Variants in CTNND2 observed in about 807,000 individuals in gnomAD.
CTNND2 encodes catenin delta-2.
Under a neutral mutation model 144.4 loss-of-function variants are expected in CTNND2, and 22 were observed. The observed-to-expected ratio is 0.15, with a 90% CI of 0.11 to 0.22. CTNND2 has a LOEUF of 0.22. CTNND2 is among the 10% of genes least tolerant of loss of function. The pLI is 1.00. For missense variants in CTNND2, 1,353 were observed against 1,618.8 expected (o/e 0.84, Z 2.82); for synonymous variants, 751 against 695.6 (o/e 1.08, Z -1.25).
chr5:11,385,667 C>T (rs558314206), intron 6 of CTNND2: 1 of 152,286 alleles, frequency 6.6e-6, no homozygotes, highest in African/African-American at 2.4e-5. Context: ...ACCCTTGCCC[C>T]AGGTCATTTC....
At chr5:11,306,962 A>G (rs368733992) in intron 9 of CTNND2, among the ~76,000 whole-genome samples, 63 of 152,276 alleles carry the variant, frequency 4.1e-4, no homozygotes, top group African/African-American at 1.5e-3. Flanking sequence ...GTCTCAGTGC[A>G]GGGTTCCTCT....
chr5:11,390,337 G>A (rs904306978), intron 6 of CTNND2, among the ~76,000 whole-genome samples: 1 of 152,120 alleles, frequency 6.6e-6, no homozygotes, highest in Non-Finnish European at 1.5e-5. Flanking sequence ...ATTCTTTCAC[G>A]CTGAATCTTC....
At chr5:11,534,402 G>A (rs1279370936) in intron 3 of CTNND2, among the ~76,000 whole-genome samples, 1 of 152,024 alleles carries the variant, frequency 6.6e-6, no homozygotes, top group African/African-American at 2.4e-5. Flanking sequence ...GATCACCTGA[G>A]GTCAGGAGTT....
At position 11,385,040 on chromosome 5, in the gene CTNND2, G is replaced by A; in HGVS notation, c.802C>T (p.Pro268Ser). 8.6e-7 allele frequency: 1 copy of A among 1,165,520 alleles called. No individual in the cohort carries two copies. Among genetic ancestry groups the A allele is most frequent in the Non-Finnish European group, 1.1e-6 (1 of 950,380 alleles). The allele number at this position is 1,165,520 out of a possible 1,614,324, so 72.2% of individuals were successfully genotyped here. A position where few individuals can be genotyped will look rare whatever the true frequency, so the allele number is the denominator to read the frequency against. The change falls in exon 7 of 22, where the codon CCG (proline) becomes TCG (serine). Residue 268 changes from proline (P) to serine (S), a missense_variant. By Grantham distance (74) the Pro-to-Ser change is moderately conservative. Transcript: ENST00000304623. ...TLPAPPRGGS[P>S]LAAPQGGSPT... ...GAACCGCCCTGGGGCGCGGCCAGCGGGGAGCCCCCGCGCGGCGGCGCGGGC... is the reference window on the plus strand; with the variant it reads ...GAACCGCCCTGGGGCGCGGCCAGCGAGGAGCCCCCGCGCGGCGGCGCGGGC...
At chr5:11,900,280 T>G (rs1737755263) in intron 1 of CTNND2, among the ~76,000 whole-genome samples, 1 of 152,208 alleles carries the variant, frequency 6.6e-6, no homozygotes, top group Non-Finnish European at 1.5e-5. Flanking sequence ...TTAACCATGA[T>G]TCAGAGCTTG....
intron 1 of CTNND2, among the ~76,000 whole-genome samples, chr5:11,873,803 A>T (rs1735343839): frequency 6.6e-6 from 1 of 152,184 alleles, no homozygotes; most frequent in Admixed American, 6.5e-5. Context: ...GACAAGGAGG[A>T]AATGTGCAGC....
intron 1 of CTNND2, among the ~76,000 whole-genome samples, chr5:11,740,929 A>G (rs189915616): frequency 3.9e-5 from 6 of 152,356 alleles, no homozygotes; most frequent in Admixed American, 1.3e-4. Context: ...GCACTTCTCA[A>G]AAGACAACAT....
intron 21 of CTNND2, among the ~76,000 whole-genome samples, chr5:10,974,693 C>A (rs1270037896): frequency 6.6e-6 from 1 of 152,192 alleles, no homozygotes; most frequent in East Asian, 1.9e-4. Context: ...TTATTAAACA[C>A]TCTTAAAGAA....
intron 1 of CTNND2, among the ~76,000 whole-genome samples, chr5:11,749,487 G>T (rs897630812): frequency 1.3e-5 from 2 of 151,914 alleles, no homozygotes; most frequent in Non-Finnish European, 2.9e-5. Context: ...ATTGTATTCT[G>T]CATAGTCCCT....
intron 11 of CTNND2, among the ~76,000 whole-genome samples, chr5:11,172,237 G>T (rs1760006405): frequency 6.6e-6 from 1 of 152,080 alleles, no homozygotes; most frequent in Non-Finnish European, 1.5e-5. Context: ...CTGGGGCTGG[G>T]AGTTATTTTA....
At chr5:11,347,452 T>C (rs1754916003) in intron 8 of CTNND2, among the ~76,000 whole-genome samples, 1 of 152,256 alleles carries the variant, frequency 6.6e-6, no homozygotes. Flanking sequence ...ATTTCAATTT[T>C]TTGTTTCCCT....
intron 2 of CTNND2, among the ~76,000 whole-genome samples, chr5:11,647,047 A>T (rs6876216): frequency 1.4e-3 from 210 of 152,312 alleles, no homozygotes; most frequent in African/African-American, 4.8e-3. Flanking sequence ...CTTTCAGTAC[A>T]TAACTAGTAA....
intron 1 of CTNND2, among the ~76,000 whole-genome samples, chr5:11,763,517 G>T (rs577283505): frequency 6.6e-6 from 1 of 152,266 alleles, no homozygotes; most frequent in South Asian, 2.1e-4. Context: ...CAATTGACCA[G>T]AGAAACTCTT....
chr5:11,155,245 G>C (rs758183674), intron 12 of CTNND2, among the ~76,000 whole-genome samples: 1 of 152,152 alleles, frequency 6.6e-6, no homozygotes, highest in South Asian at 2.1e-4. Context: ...TTGATCACAC[G>C]ATGTGCAAGG....
At chr5:11,006,709 A>C (rs1392158998) in intron 18 of CTNND2, among the ~76,000 whole-genome samples, 2 of 152,194 alleles carry the variant, frequency 1.3e-5, no homozygotes, top group Non-Finnish European at 2.9e-5. Flanking sequence ...GAAAGGCACC[A>C]TGAATGAACT....
chr5:11,710,713 TC>T (rs1250277400), intron 2 of CTNND2, among the ~76,000 whole-genome samples: 2 of 152,134 alleles, frequency 1.3e-5, no homozygotes, highest in African/African-American at 4.8e-5. Context: ...GTCTATTTTT[TC>T]CCTAAATGCC....
intron 12 of CTNND2, among the ~76,000 whole-genome samples, chr5:11,157,040 G>T (rs1758284260): frequency 6.6e-6 from 1 of 152,164 alleles, no homozygotes; most frequent in Non-Finnish European, 1.5e-5. Context: ...ATAGGGTGGG[G>T]ATGGTCTGAA....
chr5:11,174,604 A>G (rs1188001969), intron 11 of CTNND2, among the ~76,000 whole-genome samples: 1 of 152,164 alleles, frequency 6.6e-6, no homozygotes, highest in African/African-American at 2.4e-5. Context: ...TTCCCATTTA[A>G]AAGCATCTGT....
At chr5:11,417,109 T>C (rs1021279487) in intron 3 of CTNND2, among the ~76,000 whole-genome samples, 6 of 152,234 alleles carry the variant, frequency 3.9e-5, no homozygotes, top group Non-Finnish European at 8.8e-5. Flanking sequence ...ATAGTCTAAC[T>C]GATTTGTAGT....
Sources: gnomAD v4.1 joint callset for allele counts (sites outside exome capture counted in the v4.1 genomes callset) on GRCh38, gnomAD v4.1.1 for gene constraint, MANE v1.5 for transcripts, NCBI Gene and HGNC (gene_info 2026-07-23, HGNC 2026-07-21) for gene names.